Variants in OSBPL1A observed in about 807,000 individuals in gnomAD.
The protein encoded by OSBPL1A is oxysterol binding protein like 1A, also known as oxysterol-binding protein-related protein 1.
Under a neutral mutation model 137.1 loss-of-function variants are expected in OSBPL1A, and 80 were observed. The observed-to-expected ratio is 0.58, with a 90% confidence interval of 0.49 to 0.70. The LOEUF (loss-of-function observed/expected upper bound fraction) is 0.70. Among genes scored for constraint, OSBPL1A ranks in the 30% least tolerant of loss-of-function variants. The pLI, the probability that OSBPL1A is intolerant of heterozygous loss-of-function variation, is 0.00. For synonymous variants in OSBPL1A, 365 were observed against 389.7 expected (o/e 0.94, Z 0.75); for missense variants, 970 against 1,129.4 (o/e 0.86, Z 2.02).
At position 24,231,450 on chromosome 18, in the gene OSBPL1A, G is replaced by A. The variant is rs138257440; in HGVS notation, c.1445-6252C>T. On this transcript the variant is annotated intron_variant, in intron 16 of 27. Coordinates refer to ENST00000319481, the MANE Select transcript of OSBPL1A (RefSeq NM_080597.4). Reference sequence around the variant, plus strand: ...TGGGATTACAGGCGCCCACCACCACGCCCAGCATTTTTGTATTTTAGTAGA... The same window carrying A: ...TGGGATTACAGGCGCCCACCACCACACCCAGCATTTTTGTATTTTAGTAGA... Among the ~76,000 whole-genome samples the A allele has an allele frequency of 1.0e-3, 154 of 152,102 alleles. 2 individuals carry two copies. In the East Asian group the frequency reaches 0.018, roughly 18 times the overall value.
intron 17 of OSBPL1A, among the ~76,000 whole-genome samples, chr18:24,217,203 A>T (rs73390339): frequency 0.011 from 1,626 of 151,282 alleles, 41 homozygotes; most frequent in African/African-American, 0.038. Flanking sequence ...TATATAGATC[A>T]TTTTATAAGG....
chr18:24,180,481 G>GTGTATGTA (rs1555626037), intron 19 of OSBPL1A, among the ~76,000 whole-genome samples: 3 of 150,012 alleles, frequency 2.0e-5, no homozygotes, highest in Non-Finnish European at 4.5e-5. Flanking sequence ...GTGTGTGTGT[G>GTGTATGTA]TGTATGTGTT....
chr18:24,341,726 A>G, intron 4 of OSBPL1A, 68 bp from the exon 5 acceptor site: 1 of 997,942 alleles, frequency 1.0e-6, no homozygotes, highest in East Asian at 2.5e-5. Flanking sequence ...CCTTTTCCAA[A>G]TTACTAACTA....
intron 14 of OSBPL1A, among the ~76,000 whole-genome samples, chr18:24,289,413 T>C (rs866500277): frequency 1.5e-5 from 2 of 136,834 alleles, no homozygotes; most frequent in African/African-American, 5.5e-5. Context: ...TTATTGTTTT[T>C]TCCTGTTTTT....
intron 11 of OSBPL1A, among the ~76,000 whole-genome samples, chr18:24,314,748 T>C (rs1455712279): frequency 1.3e-5 from 2 of 152,080 alleles, no homozygotes; most frequent in Non-Finnish European, 2.9e-5. Flanking sequence ...ATAATGTTGA[T>C]AAAGAAGGAG....
chr18:24,283,712 T>G (rs868335876), intron 14 of OSBPL1A, among the ~76,000 whole-genome samples: 9 of 152,238 alleles, frequency 5.9e-5, no homozygotes, highest in Admixed American at 1.3e-4. Flanking sequence ...ATCTAGTAAT[T>G]TTCCACTTTC....
In OSBPL1A at chr18:24,179,824, C is replaced by T. The variant is rs138436576; in HGVS notation, c.1824G>A (p.Ala608=). 6.2e-6 allele frequency: 10 copies of T among 1,613,878 alleles called. No individual in the cohort carries two copies. Among genetic ancestry groups the T allele is most frequent in the African/African-American group, 2.7e-5 (2 of 74,898 alleles). The part of the protein sequence containing the change: ...DPVERMQCVA[A]FAVSAVASQW... ...GAGAAGCAACAGCAGATACAGCAAA[C>T]GCAGCTACACACTGTGGGACAGAGC... Residue 608 remains alanine (A), a synonymous_variant, in exon 20 of 28, where the codon GCG becomes GCA. Transcript: ENST00000319481.
At chr18:24,395,153 C>G (rs1907648919) in intron 1 of OSBPL1A, among the ~76,000 whole-genome samples, 1 of 152,184 alleles carries the variant, frequency 6.6e-6, no homozygotes, top group Non-Finnish European at 1.5e-5. Flanking sequence ...AAAACCTGTC[C>G]TCTTTCTAGG....
chr18:24,279,093 G>C (rs2089902634), intron 15 of OSBPL1A, among the ~76,000 whole-genome samples: 1 of 151,870 alleles, frequency 6.6e-6, no homozygotes, highest in Non-Finnish European at 1.5e-5. Flanking sequence ...TGTAGAATTG[G>C]TGCTACATAT....
intron 17 of OSBPL1A, among the ~76,000 whole-genome samples, chr18:24,220,294 C>A (rs987795448): frequency 7.2e-5 from 11 of 152,228 alleles, no homozygotes; most frequent in African/African-American, 2.7e-4. Flanking sequence ...TCATTGCCTG[C>A]TCCTTGGTCC....
Position 24,368,282 on chromosome 18 carries a change from T to G in OSBPL1A, c.207+5A>C, listed in dbSNP as rs1395279957. ...AGTCATTAAAAATTAAAGTCATAAA[T>G]AGACCTTCAACAGATCCTGGACCAC... is the stretch of plus-strand genomic sequence containing the variant. On this transcript the variant is annotated splice_donor_5th_base_variant and intron_variant, in intron 3 of 27. Transcript: ENST00000319481. 2 of 1,600,944 alleles carry G rather than the reference T, an allele frequency of 1.2e-6. No individual in the cohort carries two copies. Among genetic ancestry groups the G allele is most frequent in the Non-Finnish European group, 1.7e-6 (2 of 1,169,686 alleles).
chr18:24,284,130 CT>C (rs1039688936), intron 14 of OSBPL1A, among the ~76,000 whole-genome samples: 49 of 152,058 alleles, frequency 3.2e-4, no homozygotes, highest in African/African-American at 1.1e-3. Flanking sequence ...ATTGCCGAAC[CT>C]TGCCGTATGC....
At chr18:24,295,786 C>G (rs1468830763) in intron 14 of OSBPL1A, among the ~76,000 whole-genome samples, 1 of 151,654 alleles carries the variant, frequency 6.6e-6, no homozygotes, top group Non-Finnish European at 1.5e-5. Context: ...TATGCTTTGT[C>G]AAAGATCAGT....
At chr18:24,233,122 T>C (rs1207167519) in intron 16 of OSBPL1A, among the ~76,000 whole-genome samples, 2 of 152,158 alleles carry the variant, frequency 1.3e-5, no homozygotes, top group Admixed American at 1.3e-4. Flanking sequence ...AGCAGGAATT[T>C]TCCGTGAAAC....
At chr18:24,260,250 G>C (rs555251700) in intron 15 of OSBPL1A, among the ~76,000 whole-genome samples, 3 of 152,256 alleles carry the variant, frequency 2.0e-5, no homozygotes, top group Admixed American at 6.5e-5. Flanking sequence ...GCGGAAAACA[G>C]TATGGTGGTT....
chr18:24,260,837 C>A (rs78059716), intron 15 of OSBPL1A, among the ~76,000 whole-genome samples: 695 of 119,966 alleles, frequency 5.8e-3, no homozygotes, highest in Middle Eastern at 8.4e-3. Flanking sequence ...TAAAAGAACT[C>A]AAAAAAAAAA....
chr18:24,290,284 C>T (rs1439556830), intron 14 of OSBPL1A, among the ~76,000 whole-genome samples: 1 of 152,122 alleles, frequency 6.6e-6, no homozygotes, highest in Non-Finnish European at 1.5e-5. Context: ...AAGAAAGAAA[C>T]AAACAAAAGG....
chr18:24,301,744 C>A (rs1212688225), intron 14 of OSBPL1A, among the ~76,000 whole-genome samples: 1 of 152,166 alleles, frequency 6.6e-6, no homozygotes, highest in African/African-American at 2.4e-5. Context: ...AACCACTGCC[C>A]TTCCCAAGGC....
chr18:24,261,708 C>G (rs1288262619), intron 15 of OSBPL1A, among the ~76,000 whole-genome samples: 1 of 151,998 alleles, frequency 6.6e-6, no homozygotes, highest in East Asian at 1.9e-4. Context: ...TGGTGCATGC[C>G]TGTGGTCCCA....
Sources: allele counts gnomAD v4.1 joint callset (sites outside exome capture counted in the v4.1 genomes callset), GRCh38; gene constraint gnomAD v4.1.1; transcripts MANE v1.5; gene names NCBI Gene and HGNC (gene_info 2026-07-23, HGNC 2026-07-21).